The following AGBL4 variants were observed in gnomAD, a reference collection of about 807,000 sequenced individuals.
AGBL4 encodes the protein AGBL carboxypeptidase 4.
AGBL4 carries 58 observed loss-of-function variants against 66.4 expected under a neutral mutation model. The observed-to-expected ratio is 0.87, with a 90% CI of 0.71 to 1.09. The LOEUF (loss-of-function observed/expected upper bound fraction) is 1.09, where lower values mean the gene tolerates loss of function less well. AGBL4 is among the 50% of genes least tolerant of loss of function. AGBL4 has a pLI of 0.00. For missense variants in AGBL4, 579 were observed against 631.0 expected, an observed-to-expected ratio of 0.92 and a Z score of 0.88; for synonymous variants, 234 against 222.9, an observed-to-expected ratio of 1.05 and a Z score of -0.44.
intron 6 of AGBL4, among the ~76,000 whole-genome samples, chr1:48,714,925 G>C (rs910459822): frequency 2.0e-5 from 3 of 152,198 alleles, no homozygotes; most frequent in African/African-American, 7.2e-5. Flanking sequence ...CAATTTTCTA[G>C]GCCTTGCTCT....
intron 3 of AGBL4, among the ~76,000 whole-genome samples, chr1:49,601,136 T>C (rs1300192876): frequency 9.2e-5 from 14 of 152,172 alleles, no homozygotes; most frequent in Admixed American, 8.5e-4. Flanking sequence ...GAATATCTTT[T>C]TGGTGTTCTC....
In AGBL4 at chr1:48,984,167, C is replaced by A. The variant is rs112066187; in HGVS notation, c.594+61417G>T. Among the ~76,000 whole-genome samples the A allele has an allele frequency of 3.6e-3, 542 of 152,046 alleles. 9 individuals are homozygous for A. Among genetic ancestry groups the A allele is most frequent in the African/African-American group, 0.012 (515 of 41,504 alleles). On this transcript the variant is annotated intron_variant, in intron 5 of 13. Coordinates refer to ENST00000371839, the MANE Select transcript of AGBL4 (RefSeq NM_032785.4). Reference sequence around the variant, plus strand: ...AGAAAAAGCTCAGGGAAAGTTGCTACAATCATGACAGGCAGTAGAGGATTA... The same window carrying A: ...AGAAAAAGCTCAGGGAAAGTTGCTAAAATCATGACAGGCAGTAGAGGATTA...
chr1:49,085,262 T>TTCATCATCATCATCA (rs55673573), intron 4 of AGBL4, among the ~76,000 whole-genome samples: 1 of 145,316 alleles, frequency 6.9e-6, no homozygotes, highest in Non-Finnish European at 1.5e-5. Context: ...GACTGGGACT[T>TTCATCATCATCATCA]TCATCATCAT....
intron 2 of AGBL4, among the ~76,000 whole-genome samples, chr1:49,751,561 C>A (rs1425395007): frequency 3.3e-5 from 5 of 152,026 alleles, no homozygotes; most frequent in Admixed American, 1.3e-4. Flanking sequence ...TGGATCTCTA[C>A]CAGGTTTTAG....
At chr1:49,857,478 C>T (rs200954502) in intron 1 of AGBL4, among the ~76,000 whole-genome samples, 2 of 151,910 alleles carry the variant, frequency 1.3e-5, no homozygotes, top group East Asian at 3.8e-4. Context: ...TATGCCAAAA[C>T]AAAAAGCCAT....
chr1:49,904,148 A>G (rs1053760969), intron 1 of AGBL4, among the ~76,000 whole-genome samples: 1 of 152,178 alleles, frequency 6.6e-6, no homozygotes, highest in Non-Finnish European at 1.5e-5. Context: ...AAATCCATTC[A>G]TATGGATACT....
At chr1:49,433,181 T>C (rs977811377) in intron 3 of AGBL4, among the ~76,000 whole-genome samples, 1 of 152,100 alleles carries the variant, frequency 6.6e-6, no homozygotes, top group Non-Finnish European at 1.5e-5. Flanking sequence ...AAGGAAAGTG[T>C]TTTCCCAAGT....
chr1:49,728,311 C>G (rs1424988923), intron 2 of AGBL4, among the ~76,000 whole-genome samples: 1 of 152,120 alleles, frequency 6.6e-6, no homozygotes, highest in Non-Finnish European at 1.5e-5. Flanking sequence ...ATTTAAAGAT[C>G]TTCTTAAACT....
chr1:48,539,722 C>A lies in AGBL4; in HGVS notation c.1284G>T (p.Arg428=), dbSNP rs1489814259. Residue 428 remains arginine, a synonymous_variant, in exon 12 of 14, where the codon CGG becomes CGT. Coordinates refer to ENST00000371839, the MANE Select transcript of AGBL4 (RefSeq NM_032785.4). Reference sequence around the variant, plus strand: ...AGTCCAAAAAGGTTCTTGCCACATTCCGCCCCAGCTTCATATCTGCAGGTG... The same window carrying A: ...AGTCCAAAAAGGTTCTTGCCACATTACGCCCCAGCTTCATATCTGCAGGTG... The part of the protein sequence containing the change: ...YTEEAYMKLG[R]NVARTFLDYY... 1 of 1,541,174 alleles carries A rather than the reference C, an allele frequency of 6.5e-7. No homozygotes were observed. Among genetic ancestry groups the A allele is most frequent in the Non-Finnish European group, 8.8e-7 (1 of 1,139,868 alleles).
intron 11 of AGBL4, 79 bp downstream of exon 11, chr1:48,586,925 C>A (rs1203409132): frequency 1.3e-6 from 2 of 1,571,802 alleles, no homozygotes; most frequent in African/African-American, 2.7e-5. Flanking sequence ...GAGCTGGGGG[C>A]CTAATTCCTG....
At chr1:49,456,308 C>T (rs1275167826) in intron 3 of AGBL4, among the ~76,000 whole-genome samples, 1 of 151,734 alleles carries the variant, frequency 6.6e-6, no homozygotes, top group African/African-American at 2.4e-5. Flanking sequence ...GCCTTCTTTA[C>T]TTCCTGCAAA....
At chr1:49,945,037 T>A (rs377576764) in intron 1 of AGBL4, among the ~76,000 whole-genome samples, 14 of 151,952 alleles carry the variant, frequency 9.2e-5, no homozygotes, top group East Asian at 7.7e-4. Flanking sequence ...TAAGAAAATA[T>A]GAACAAAGCC....
chr1:49,159,284 CT>C (rs1165800384), intron 4 of AGBL4, among the ~76,000 whole-genome samples: 2 of 152,028 alleles, frequency 1.3e-5, no homozygotes, highest in African/African-American at 4.8e-5. Context: ...TCAGCATTTG[CT>C]TGTCTGTAAA....
intron 4 of AGBL4, among the ~76,000 whole-genome samples, chr1:49,145,784 A>G (rs1646206573): frequency 6.6e-6 from 1 of 152,200 alleles, no homozygotes; most frequent in South Asian, 2.1e-4. Context: ...AAATAAGTGT[A>G]TCAAAGAGAT....
At position 48,776,756 on chromosome 1, in the gene AGBL4, G is replaced by T; in HGVS notation, c.634+90435C>A. ...TTGTCAAAATCCAGCCGCGAGCGGGGGCTGAAGTCGCGCACGCACGACACG... is the reference window on the plus strand; with the variant it reads ...TTGTCAAAATCCAGCCGCGAGCGGGTGCTGAAGTCGCGCACGCACGACACG... On this transcript the variant is annotated intron_variant, in intron 6 of 13. Transcript: ENST00000371839. 1 of 1,527,748 alleles carries T rather than the reference G, an allele frequency of 6.5e-7. No homozygotes were observed. The highest frequency in any genetic ancestry group is 2.1e-5 in the Admixed American group (1 of 48,580). 94.6% of individuals were successfully genotyped at this position (1,527,748 alleles called of 1,614,324 possible). A position where few individuals can be genotyped will look rare whatever the true frequency, so the allele number is the denominator to read the frequency against.
intron 2 of AGBL4, among the ~76,000 whole-genome samples, chr1:49,702,496 AT>A (rs1268932207): frequency 1.3e-5 from 2 of 152,198 alleles, no homozygotes; most frequent in Non-Finnish European, 2.9e-5. Flanking sequence ...TCCCAAAAAA[AT>A]AAAATAAAAT....
intron 3 of AGBL4, among the ~76,000 whole-genome samples, chr1:49,468,706 C>T (rs914303108): frequency 6.6e-6 from 1 of 151,684 alleles, no homozygotes; most frequent in African/African-American, 2.4e-5. Context: ...ACATCATTTC[C>T]AATACCGAAG....
At chr1:49,858,313 G>T (rs1352557107) in intron 1 of AGBL4, among the ~76,000 whole-genome samples, 1 of 152,058 alleles carries the variant, frequency 6.6e-6, no homozygotes, top group African/African-American at 2.4e-5. Flanking sequence ...AGACACGATG[G>T]AGCACAGTAT....
At chr1:48,957,222 T>C (rs1398589370) in intron 5 of AGBL4, among the ~76,000 whole-genome samples, 1 of 152,202 alleles carries the variant, frequency 6.6e-6, no homozygotes, top group African/African-American at 2.4e-5. Flanking sequence ...AAACTGTATA[T>C]AAGTGGCATC....
Sources: allele counts gnomAD v4.1 joint callset (sites outside exome capture counted in the v4.1 genomes callset), GRCh38; gene constraint gnomAD v4.1.1; transcripts MANE v1.5; gene names NCBI Gene and HGNC (gene_info 2026-07-23, HGNC 2026-07-21).